TNS4: variants seen among roughly 807,000 people sequenced by gnomAD.
TNS4 encodes the protein tensin 4.
Under a neutral mutation model 70.4 loss-of-function variants are expected in TNS4, and 46 were observed. The ratio of observed to expected loss-of-function variants is 0.65; its 90% confidence interval spans 0.52 to 0.84. TNS4 has a LOEUF of 0.84. Ranked by LOEUF, TNS4 falls within the 40% of genes least tolerant of loss-of-function variation. The pLI is 0.00. For synonymous variants in TNS4, 390 were observed against 366.6 expected, an observed-to-expected ratio of 1.06 and a Z score of -0.73; for missense variants, 863 against 907.0, an observed-to-expected ratio of 0.95 and a Z score of 0.62.
chr17:40,480,145 G>A (rs933711161), intron 9 of TNS4: 1 of 373,200 alleles, frequency 2.7e-6, no homozygotes, highest in African/African-American at 2.1e-5. Flanking sequence ...ACACTTAACG[G>A]CTGCTCTCCT....
chr17:40,496,078 G>A lies in TNS4; in HGVS notation c.348C>T (p.Phe116=). The change falls in exon 2 of 13, where the codon TTC becomes TTT. Residue 116 remains phenylalanine, a synonymous_variant. Coordinates refer to ENST00000254051, the MANE Select transcript of TNS4 (RefSeq NM_032865.6). ...NQMILELDPT[F]QLLPPGTGGS... is the part of the protein sequence containing the mutation. ...CCCCAGTCCCTGGGGGAAGCAGCTG[G>A]AAGGTGGGGTCCAGTTCCAGGATCA... 6.2e-7 allele frequency: 1 copy of A among 1,613,296 alleles called. No individual in the cohort carries two copies. Among genetic ancestry groups the A allele is most frequent in the Non-Finnish European group, 8.5e-7 (1 of 1,179,730 alleles).
At chr17:40,487,492 G>A in intron 3 of TNS4, 32 bp from the exon 4 acceptor site, 1 of 1,571,242 alleles carries the variant, frequency 6.4e-7, no homozygotes, top group Non-Finnish European at 8.6e-7. Flanking sequence ...CAGGGTGTTA[G>A]GGCAACAGGT....
intron 6 of TNS4, among the ~76,000 whole-genome samples, chr17:40,484,184 A>C (rs2035961552): frequency 6.6e-6 from 1 of 152,232 alleles, no homozygotes; most frequent in African/African-American, 2.4e-5. Context: ...TGACTCCAAG[A>C]AGAGCAGCCT....
In TNS4 at chr17:40,496,051, GC is replaced by G; in HGVS notation, c.374del (p.Gly125AlafsTer13). 2 of 1,613,500 alleles carry G rather than the reference GC, an allele frequency of 1.2e-6. No individual in the cohort carries two copies. Among genetic ancestry groups the G allele is most frequent in the Non-Finnish European group, 1.7e-6 (2 of 1,179,828 alleles). On this transcript the variant is annotated frameshift_variant, in exon 2 of 13. Coordinates refer to ENST00000254051, the MANE Select transcript of TNS4 (RefSeq NM_032865.6). LOFTEE classifies it high-confidence loss of function. Reference protein sequence around the residue: ...TFQLLPPGTGGSQAELAQSTM... With the variant: ...TFQLLPPGTGXSQAELAQSTM... ...TGCTCTGGGCCAGCTCAGCCTGGGA[GC>G]CCCCAGTCCCTGGGGGAAGCAGCTG...
Position 40,480,737 on chromosome 17 carries a change from A to G in TNS4, c.1704T>C (p.Ser568=), listed in dbSNP as rs76469274. 1.5e-4 allele frequency: 245 copies of G among 1,593,220 alleles called. 3 individuals are homozygous for G. The East Asian group carries it at 5.5e-3, about 35-fold the overall frequency. ...ELGGADGASD[S]TDSPASCQKK... is the part of the protein sequence containing the mutation. ...TCTGGCAGGAGGCTGGGCTGTCTGT[A>G]GAGTCCGAGGCCCCATCTGCACCTC... is the stretch of plus-strand genomic sequence containing the variant. The change falls in exon 9 of 13, where the codon TCT becomes TCC. Residue 568 remains serine (S), a synonymous_variant. Transcript: ENST00000254051.
chr17:40,489,184 G>C (rs1406342811), intron 2 of TNS4, among the ~76,000 whole-genome samples: 2 of 152,136 alleles, frequency 1.3e-5, no homozygotes, highest in Non-Finnish European at 2.9e-5. Context: ...TGCAGTAGGG[G>C]ACCCAGGCCT....
intron 3 of TNS4, among the ~76,000 whole-genome samples, chr17:40,487,880 G>T (rs2036013082): frequency 6.6e-6 from 1 of 152,242 alleles, no homozygotes; most frequent in Admixed American, 6.5e-5. Context: ...CTCCCCAGCT[G>T]CAGGAGAAGG....
At chr17:40,491,533 C>G (rs1448013227) in intron 2 of TNS4, among the ~76,000 whole-genome samples, 1 of 152,332 alleles carries the variant, frequency 6.6e-6, no homozygotes, top group Admixed American at 6.5e-5. Context: ...GCTCCAAGGC[C>G]TTGCCCTGTG....
intron 2 of TNS4, 98 bp downstream of exon 2, chr17:40,495,889 A>G (rs1481543966): frequency 2.5e-5 from 34 of 1,375,304 alleles, no homozygotes; most frequent in Admixed American, 5.0e-5. Context: ...GCACCTCCCA[A>G]CAGGACAGGG....
intron 6 of TNS4, 135 bp from the exon 7 acceptor site, chr17:40,482,551 C>G: frequency 1.5e-6 from 1 of 675,634 alleles, no homozygotes; most frequent in Non-Finnish European, 2.6e-6. Flanking sequence ...CGAGATCAGC[C>G]TGACCCACAT....
chr17:40,501,496 T>TC (rs2036216322), intron 1 of TNS4, 38 bp downstream of exon 1: 1 of 147,826 alleles, frequency 6.8e-6, no homozygotes, highest in Non-Finnish European at 1.5e-5. Context: ...GCAAAGGTGC[T>TC]CCGTGTTCCT....
At chr17:40,490,196 C>T (rs879523802) in intron 2 of TNS4, among the ~76,000 whole-genome samples, 2 of 152,254 alleles carry the variant, frequency 1.3e-5, no homozygotes, top group African/African-American at 4.8e-5. Context: ...CAACACACCC[C>T]AGGCTGCCGA....
intron 2 of TNS4, among the ~76,000 whole-genome samples, 163 bp downstream of exon 2, chr17:40,495,824 C>A (rs2036135094): frequency 6.6e-6 from 1 of 152,150 alleles, no homozygotes; most frequent in South Asian, 2.1e-4. Flanking sequence ...TTGTATTTAT[C>A]CCCTTTGTGT....
intron 3 of TNS4, among the ~76,000 whole-genome samples, chr17:40,487,759 C>G (rs1019632961): frequency 1.3e-5 from 2 of 152,214 alleles, no homozygotes; most frequent in East Asian, 3.8e-4. Context: ...CCAGCCAGGC[C>G]GTTCTGACTG....
rs1267187218 is a variant in TNS4 at position 40,488,892 on chromosome 17, T to C, written c.517A>G (p.Thr173Ala). ...GPQHCSSPSV[T>A]PPFGSLRSGG... Reference sequence around the variant, plus strand: ...CTGCGAAGGGAGCCGAAGGGCGGGGTGACAGAGGGGCTGGAGCAGTGCTGG... The same window carrying C: ...CTGCGAAGGGAGCCGAAGGGCGGGGCGACAGAGGGGCTGGAGCAGTGCTGG... Residue 173 changes from threonine (T) to alanine (A), a missense_variant, in exon 3 of 13, where the codon ACC becomes GCC. Physicochemically the swap from Thr to Ala is moderately conservative, Grantham distance 58. Coordinates refer to ENST00000254051, the MANE Select transcript of TNS4 (RefSeq NM_032865.6). The C allele has an allele frequency of 6.2e-7, 1 of 1,611,888 alleles. No homozygotes were observed. Among genetic ancestry groups the C allele is most frequent in the Non-Finnish European group, 8.5e-7 (1 of 1,179,432 alleles).
Position 40,480,747 on chromosome 17 carries a change from G to T in TNS4, c.1694C>A (p.Ala565Asp), listed in dbSNP as rs1567808688. ...PQRELGGADG[A>D]SDSTDSPASC... Reference sequence around the variant, plus strand: ...GGCTGGGCTGTCTGTAGAGTCCGAGGCCCCATCTGCACCTCCCAGTTCTGA... The same window carrying T: ...GGCTGGGCTGTCTGTAGAGTCCGAGTCCCCATCTGCACCTCCCAGTTCTGA... The change falls in exon 9 of 13, where the codon GCC becomes GAC. Residue 565 changes from alanine to aspartate, a missense_variant. By Grantham distance (126) the Ala-to-Asp change is moderately radical. Coordinates refer to ENST00000254051, the MANE Select transcript of TNS4 (RefSeq NM_032865.6). The T allele has an allele frequency of 1.3e-6, 2 of 1,599,506 alleles. No homozygotes were observed. The highest frequency in any genetic ancestry group is 2.3e-5 in the South Asian group (2 of 88,710).
At position 40,496,228 on chromosome 17, in the gene TNS4, G is replaced by A; in HGVS notation, c.198C>T (p.Leu66=). Residue 66 remains leucine (L), a synonymous_variant, in exon 2 of 13, where the codon CTC becomes CTT. Coordinates refer to ENST00000254051, the MANE Select transcript of TNS4 (RefSeq NM_032865.6). ...PVPCMGPPGR[L]QQAPQVEAKA... ...TGGCCTCCACCTGTGGGGCTTGCTG[G>A]AGTCGGCCAGGGGGCCCCATGCAGG... is the stretch of plus-strand genomic sequence containing the variant. The A allele has an allele frequency of 6.3e-7, 1 of 1,596,140 alleles. No individual in the cohort carries two copies.
intron 4 of TNS4, among the ~76,000 whole-genome samples, chr17:40,485,389 C>T (rs2035978388): frequency 6.6e-6 from 1 of 152,222 alleles, no homozygotes; most frequent in Non-Finnish European, 1.5e-5. Flanking sequence ...TCTCCTTCGT[C>T]TTCATAATCC....
At chr17:40,480,896 A>ACTC (rs1395487073) in intron 8 of TNS4, 128 bp from the exon 9 acceptor site, 1 of 1,085,266 alleles carries the variant, frequency 9.2e-7, no homozygotes, top group Admixed American at 3.2e-5. Flanking sequence ...CCAGGAAGTG[A>ACTC]CTCAAACCAG....
Sources: allele counts gnomAD v4.1 joint callset (sites outside exome capture counted in the v4.1 genomes callset), GRCh38; gene constraint gnomAD v4.1.1; transcripts MANE v1.5; gene names NCBI Gene and HGNC (gene_info 2026-07-23, HGNC 2026-07-21).